Variants in COMMD1 observed in about 807,000 individuals in gnomAD.
The protein encoded by COMMD1 is COMM domain-containing protein 1.
A neutral mutation model predicts 17.2 loss-of-function variants in COMMD1; 10 were observed. That is an observed-to-expected ratio of 0.58 (90% CI 0.36 to 0.99). COMMD1 has a LOEUF of 0.99. Ranked by LOEUF, COMMD1 falls within the 50% of genes least tolerant of loss-of-function variation. The pLI is 0.01. For synonymous variants in COMMD1, 97 were observed against 91.6 expected (o/e 1.06, Z -0.34); for missense variants, 270 against 231.8 (o/e 1.17, Z -1.07).
chr2:61,907,397 G>T (rs1314904249), intron 1 of COMMD1, among the ~76,000 whole-genome samples: 1 of 152,106 alleles, frequency 6.6e-6, no homozygotes, highest in African/African-American at 2.4e-5. Context: ...GAGCCACCCG[G>T]CCCGGCCAAA....
At chr2:62,041,659 G>T (rs1240593852) in intron 2 of COMMD1, among the ~76,000 whole-genome samples, 2 of 152,228 alleles carry the variant, frequency 1.3e-5, no homozygotes, top group African/African-American at 4.8e-5. Context: ...CAAAGTGCTA[G>T]TGTGTCCGGA....
chr2:61,948,903 T>G (rs1670982251), intron 1 of COMMD1, among the ~76,000 whole-genome samples: 1 of 152,076 alleles, frequency 6.6e-6, no homozygotes. Flanking sequence ...TACAGGGACT[T>G]GAGGAGGTGG....
intron 2 of COMMD1, among the ~76,000 whole-genome samples, chr2:62,097,008 T>G (rs1349393932): frequency 6.6e-6 from 1 of 152,150 alleles, no homozygotes; most frequent in Non-Finnish European, 1.5e-5. Context: ...TTTGCCCAAG[T>G]GAAAGCAAAA....
intron 2 of COMMD1, among the ~76,000 whole-genome samples, chr2:62,036,934 A>G (rs1475706234): frequency 1.3e-5 from 2 of 152,158 alleles, no homozygotes; most frequent in Non-Finnish European, 2.9e-5. Context: ...GATGAGTGAT[A>G]TATAGTGGTT....
At chr2:62,068,620 CTTTTTTT>C (rs67517468) in intron 2 of COMMD1, among the ~76,000 whole-genome samples, 1 of 89,236 alleles carries the variant, frequency 1.1e-5, no homozygotes. Flanking sequence ...GTAGTATAAT[CTTTTTTT>C]TTTTTTTTTT....
chr2:62,088,692 C>A (rs1671740569), intron 2 of COMMD1, among the ~76,000 whole-genome samples: 1 of 152,132 alleles, frequency 6.6e-6, no homozygotes, highest in African/African-American at 2.4e-5. Context: ...TATACCTGAC[C>A]ATTTGACAAC....
rs1671533858 is a variant in COMMD1, at chr2:62,081,893, G to T, written c.463-53938G>T. ...TATTTGAGGTTTCCTGCTTTTTTTA[G>T]ATCTCTAAAACCATTCTGTTTTGGG... On this transcript the variant is annotated intron_variant, in intron 2 of 2. Coordinates refer to ENST00000311832, the MANE Select transcript of COMMD1 (RefSeq NM_152516.4). Among the ~76,000 whole-genome samples, 4 of 151,588 alleles carry T rather than the reference G, an allele frequency of 2.6e-5. No homozygotes were observed. The South Asian group carries it at 8.3e-4, about 32-fold the overall frequency.
chr2:62,069,049 A>T (rs926991380), intron 2 of COMMD1, among the ~76,000 whole-genome samples: 3 of 152,182 alleles, frequency 2.0e-5, no homozygotes, highest in African/African-American at 7.2e-5. Flanking sequence ...TTTTGTCTAG[A>T]GCTATAATAT....
intron 2 of COMMD1, among the ~76,000 whole-genome samples, chr2:62,129,124 C>T (rs924364446): frequency 2.0e-5 from 3 of 152,092 alleles, no homozygotes; most frequent in Admixed American, 1.3e-4. Context: ...TATGCTTCGG[C>T]AGTCTGAAGA....
chr2:62,091,711 G>A (rs933688549), intron 2 of COMMD1, among the ~76,000 whole-genome samples: 32 of 152,188 alleles, frequency 2.1e-4, no homozygotes, highest in African/African-American at 5.3e-4. Flanking sequence ...CCACAAGCAC[G>A]GGGCTGGTGG....
intron 1 of COMMD1, among the ~76,000 whole-genome samples, chr2:61,947,319 G>T (rs938748962): frequency 8.5e-5 from 13 of 152,192 alleles, no homozygotes; most frequent in African/African-American, 3.1e-4. Flanking sequence ...TTACCAAACA[G>T]ATTTTGGAAA....
At chr2:62,124,218 G>C (rs1672832092) in intron 2 of COMMD1, among the ~76,000 whole-genome samples, 1 of 152,186 alleles carries the variant, frequency 6.6e-6, no homozygotes. Flanking sequence ...AGAATTGCTT[G>C]TACCTGGGAG....
At chr2:62,028,869 T>A (rs1398710079) in intron 2 of COMMD1, among the ~76,000 whole-genome samples, 1 of 152,210 alleles carries the variant, frequency 6.6e-6, no homozygotes, top group African/African-American at 2.4e-5. Context: ...AGTACTGATG[T>A]CCTAAAAACT....
chr2:61,955,312 T>TCTC (rs1553372193), intron 1 of COMMD1, among the ~76,000 whole-genome samples: 1 of 145,472 alleles, frequency 6.9e-6, no homozygotes, highest in Non-Finnish European at 1.5e-5. Flanking sequence ...CTCTCTCTCT[T>TCTC]TCTCTCTCTC....
At chr2:61,963,234 T>TATAC (rs1553373161) in intron 1 of COMMD1, among the ~76,000 whole-genome samples, 161 of 149,042 alleles carry the variant, frequency 1.1e-3, no homozygotes, top group African/African-American at 3.9e-3. Context: ...TATACATATA[T>TATAC]ACACACACAC....
At chr2:61,992,930 G>A (rs1672288441) in intron 1 of COMMD1, among the ~76,000 whole-genome samples, 1 of 152,064 alleles carries the variant, frequency 6.6e-6, no homozygotes, top group Non-Finnish European at 1.5e-5. Flanking sequence ...GGAGGTAATT[G>A]TTTAATATAA....
At chr2:62,123,237 G>A (rs1433921632) in intron 2 of COMMD1, among the ~76,000 whole-genome samples, 1 of 152,082 alleles carries the variant, frequency 6.6e-6, no homozygotes, top group Non-Finnish European at 1.5e-5. Context: ...CAGGCACGGT[G>A]GCTCACACCT....
intron 2 of COMMD1, among the ~76,000 whole-genome samples, chr2:62,054,137 C>T (rs958828048): frequency 2.3e-4 from 35 of 152,094 alleles, no homozygotes; most frequent in African/African-American, 8.4e-4. Flanking sequence ...AAATGCAAAT[C>T]GAAACCACAA....
At chr2:61,888,819 A>T (rs1265120528) in exon 1 of COMMD1, 8 of 411,908 alleles carry the variant, frequency 1.9e-5, no homozygotes, top group Non-Finnish European at 2.6e-5. Context: ...CAGCAATGAC[A>T]ACGCGCGATT....
Sources: allele counts gnomAD v4.1 joint callset (sites outside exome capture counted in the v4.1 genomes callset), GRCh38; gene constraint gnomAD v4.1.1; transcripts MANE v1.5; gene names NCBI Gene and HGNC (gene_info 2026-07-23, HGNC 2026-07-21).